SLC30A9: variants seen among roughly 807,000 people sequenced by gnomAD.
SLC30A9 encodes proton-coupled zinc antiporter SLC30A9, mitochondrial.
In SLC30A9, 58 loss-of-function variants were observed where a neutral mutation model predicts 87.5. The observed-to-expected ratio is 0.66, with a 90% CI of 0.54 to 0.82. SLC30A9 has a LOEUF of 0.82. Ranked by LOEUF, SLC30A9 falls within the 40% of genes least tolerant of loss-of-function variation. The pLI is 0.00. For synonymous variants in SLC30A9, 234 were observed against 233.0 expected (o/e 1.00, Z -0.04); for missense variants, 557 against 679.1 (o/e 0.82, Z 2.00).
chr4:42,073,976 AAT>A (rs1474034439), intron 15 of SLC30A9, among the ~76,000 whole-genome samples: 2 of 152,166 alleles, frequency 1.3e-5, no homozygotes, highest in Non-Finnish European at 2.9e-5. Context: ...AGTATATCTA[AAT>A]ATATTTATTA....
rs1718952171 is a variant in SLC30A9 at position 42,087,192 on chromosome 4, A to C, written c.*1066A>C. 1 of 152,210 alleles carries C rather than the reference A, an allele frequency of 6.6e-6. No individual in the cohort carries two copies. Among genetic ancestry groups the C allele is most frequent in the Non-Finnish European group, 1.5e-5 (1 of 68,042 alleles). 9.4% of individuals were successfully genotyped at this position (152,210 alleles called of 1,614,324 possible). On this transcript the variant is annotated 3_prime_UTR_variant, in exon 18 of 18. Coordinates refer to ENST00000264451, the MANE Select transcript of SLC30A9 (RefSeq NM_006345.4). ...ATGGGCATTTAGTATAGTTATATTGACTATAACATGTAAGTAAATAGCTTT... is the reference window on the plus strand; with the variant it reads ...ATGGGCATTTAGTATAGTTATATTGCCTATAACATGTAAGTAAATAGCTTT...
In SLC30A9 at chr4:42,049,365, T is replaced by C; in HGVS notation, c.738-12T>C. 1 of 1,568,752 alleles carries C rather than the reference T, an allele frequency of 6.4e-7. No individual in the cohort carries two copies. The highest frequency in any genetic ancestry group is 8.7e-7 in the Non-Finnish European group (1 of 1,146,388). ...CAAACCTATGCTAAATTGTTTTCTC[T>C]TTCTCTTCTAGCAATGGATTAAACT... On this transcript the variant is annotated splice_polypyrimidine_tract_variant and intron_variant, in intron 8 of 17. Coordinates refer to ENST00000264451, the MANE Select transcript of SLC30A9 (RefSeq NM_006345.4).
rs189128565 is a variant in SLC30A9 at position 42,055,920 on chromosome 4, C to T, written c.841-4271C>T. Among the ~76,000 whole-genome samples, 164 of 152,194 alleles carry T rather than the reference C, an allele frequency of 1.1e-3. 1 individual carries two copies. The Middle Eastern group carries it at 0.027, about 25-fold the overall frequency. Reference sequence around the variant, plus strand: ...TTCTTAGCCACTAGATGTTAATGTTCGTTATGCTGCAAACTAAACAAATGC... The same window carrying T: ...TTCTTAGCCACTAGATGTTAATGTTTGTTATGCTGCAAACTAAACAAATGC... On this transcript the variant is annotated intron_variant, in intron 9 of 17. Transcript: ENST00000264451.
intron 8 of SLC30A9, among the ~76,000 whole-genome samples, chr4:42,047,209 C>T (rs1444035735): frequency 1.3e-5 from 2 of 152,160 alleles, no homozygotes; most frequent in African/African-American, 4.8e-5. Flanking sequence ...GCAATGGGAA[C>T]AAAAGCCAAA....
intron 7 of SLC30A9, 89 bp from the exon 8 acceptor site, chr4:42,038,897 G>T: frequency 1.3e-6 from 1 of 756,360 alleles, no homozygotes; most frequent in South Asian, 1.8e-5. Context: ...TTTGATAGAG[G>T]AAAATGTTCT....
chr4:42,021,984 G>A lies in SLC30A9; in HGVS notation c.435-854G>A, dbSNP rs1456383796. On this transcript the variant is annotated intron_variant, in intron 4 of 17. Transcript: ENST00000264451. The stretch of plus-strand genomic sequence containing the variant: ...CGCTCTGTTGCCCAGGCCGGACTGC[G>A]GACTGCAGTGGCACAATCTCGGCTC... Among the ~76,000 whole-genome samples the A allele has an allele frequency of 1.0e-3, 29 of 28,984 alleles. 10 individuals are homozygous for A. Among genetic ancestry groups the A allele is most frequent in the Non-Finnish European group, 3.4e-4 (2 of 5,862 alleles). The allele number at this position is 28,984 out of a possible 152,430, so 19.0% of individuals were successfully genotyped here.
At chr4:42,033,976 C>A (rs527827796) in intron 6 of SLC30A9, among the ~76,000 whole-genome samples, 2 of 152,048 alleles carry the variant, frequency 1.3e-5, no homozygotes, top group East Asian at 1.9e-4. Context: ...TTTGATATAC[C>A]GTAATGTATT....
At chr4:42,073,012 C>G (rs1246063688) in intron 15 of SLC30A9, among the ~76,000 whole-genome samples, 1 of 151,900 alleles carries the variant, frequency 6.6e-6, no homozygotes, top group Non-Finnish European at 1.5e-5. Flanking sequence ...CGAGGTTTCA[C>G]CACTGGCCAT....
At chr4:42,048,169 A>G (rs1717246522) in intron 8 of SLC30A9, among the ~76,000 whole-genome samples, 1 of 152,220 alleles carries the variant, frequency 6.6e-6, no homozygotes, top group Non-Finnish European at 1.5e-5. Flanking sequence ...TGGCACATGT[A>G]TACCTATGTA....
In SLC30A9 at chr4:42,070,572, A is replaced by G; in HGVS notation, c.1299A>G (p.Leu433=). The change falls in exon 15 of 18, where the codon TTA becomes TTG. Residue 433 remains leucine, a synonymous_variant. Coordinates refer to ENST00000264451, the MANE Select transcript of SLC30A9 (RefSeq NM_006345.4). ...DSLGSLGVGT[L]LGMVSAFLIY... Reference sequence around the variant, plus strand: ...TAGGTTCTTTGGGTGTGGGCACCTTATTAGGCATGGTCTCAGCATTCCTCA... The same window carrying G: ...TAGGTTCTTTGGGTGTGGGCACCTTGTTAGGCATGGTCTCAGCATTCCTCA... The G allele has an allele frequency of 6.2e-7, 1 of 1,613,434 alleles. No individual in the cohort carries two copies. Among genetic ancestry groups the G allele is most frequent in the East Asian group, 2.2e-5 (1 of 44,834 alleles).
At chr4:42,020,542 G>T (rs772671099) in intron 4 of SLC30A9, 27 bp downstream of exon 4, 24 of 1,205,722 alleles carry the variant, frequency 2.0e-5, no homozygotes, top group Non-Finnish European at 2.7e-5. Flanking sequence ...ATGTAGCCGT[G>T]TGTCATATCT....
intron 6 of SLC30A9, among the ~76,000 whole-genome samples, chr4:42,030,509 G>T (rs1235988427): frequency 6.7e-6 from 1 of 149,960 alleles, no homozygotes; most frequent in East Asian, 1.9e-4. Flanking sequence ...TATCGTATCT[G>T]TTTTGTACTT....
intron 2 of SLC30A9, among the ~76,000 whole-genome samples, chr4:42,006,717 G>T (rs993264915): frequency 1.3e-5 from 2 of 151,810 alleles, no homozygotes; most frequent in South Asian, 4.2e-4. Context: ...AGGTATGGAT[G>T]TGTGGTGAAT....
At chr4:42,039,713 G>A (rs181403325) in intron 8 of SLC30A9, among the ~76,000 whole-genome samples, 2 of 151,930 alleles carry the variant, frequency 1.3e-5, no homozygotes, top group Admixed American at 6.6e-5. Context: ...TGCCCACCTC[G>A]GCCTCCCAAA....
intron 1 of SLC30A9, among the ~76,000 whole-genome samples, chr4:41,991,569 G>A (rs1464181482): frequency 6.6e-6 from 1 of 152,178 alleles, no homozygotes; most frequent in Non-Finnish European, 1.5e-5. Flanking sequence ...ACAGAACTAA[G>A]TCCACCCTTA....
chr4:42,026,823 A>G (rs954439900), intron 6 of SLC30A9, among the ~76,000 whole-genome samples: 2 of 150,334 alleles, frequency 1.3e-5, no homozygotes, highest in African/African-American at 2.4e-5. Flanking sequence ...TTACCACCCT[A>G]TTTTTAATTT....
chr4:42,024,823 T>C (rs1467799620), intron 6 of SLC30A9, among the ~76,000 whole-genome samples: 2 of 152,222 alleles, frequency 1.3e-5, no homozygotes, highest in Non-Finnish European at 2.9e-5. Flanking sequence ...GGTTATCTTC[T>C]ATGTATAGTG....
intron 7 of SLC30A9, among the ~76,000 whole-genome samples, chr4:42,038,380 C>G (rs1716776328): frequency 6.6e-6 from 1 of 152,088 alleles, no homozygotes. Flanking sequence ...CTAAAGAAAT[C>G]TTATTTTTCA....
intron 6 of SLC30A9, chr4:42,030,219 C>A: frequency 3.3e-6 from 1 of 300,354 alleles, no homozygotes. Context: ...TGTATGGGAC[C>A]TACACTTAAA....
Sources: gnomAD v4.1 joint callset for allele counts (sites outside exome capture counted in the v4.1 genomes callset) on GRCh38, gnomAD v4.1.1 for gene constraint, MANE v1.5 for transcripts, NCBI Gene and HGNC (gene_info 2026-07-23, HGNC 2026-07-21) for gene names.